GDPD1: variants seen among roughly 807,000 people sequenced by gnomAD.
The protein encoded by GDPD1 is glycerophosphodiester phosphodiesterase domain containing 1.
In GDPD1, 28 loss-of-function variants were observed where a neutral mutation model predicts 45.1. The ratio of observed to expected loss-of-function variants is 0.62; its 90% CI spans 0.46 to 0.85. The LOEUF (loss-of-function observed/expected upper bound fraction) is 0.85. GDPD1 is among the 40% of genes least tolerant of loss of function. The pLI, the probability that GDPD1 is intolerant of heterozygous loss-of-function variation, is 0.00. For synonymous variants in GDPD1, 139 were observed against 131.4 expected (o/e 1.06, Z -0.40); for missense variants, 256 against 364.8 (o/e 0.70, Z 2.43).
At chr17:59,227,836 T>A (rs1181664723) in intron 1 of GDPD1, among the ~76,000 whole-genome samples, 1 of 152,152 alleles carries the variant, frequency 6.6e-6, no homozygotes, top group African/African-American at 2.4e-5. Flanking sequence ...GTAAAATACA[T>A]CTTAACTTCA....
intron 8 of GDPD1, among the ~76,000 whole-genome samples, chr17:59,271,712 G>A (rs531523979): frequency 8.0e-5 from 12 of 150,100 alleles, no homozygotes; most frequent in Non-Finnish European, 1.5e-4. Context: ...GTGTGATCTC[G>A]GCTCACCGCT....
intron 6 of GDPD1, 74 bp from the exon 7 acceptor site, chr17:59,266,967 C>A: frequency 8.2e-7 from 1 of 1,213,464 alleles, no homozygotes; most frequent in Non-Finnish European, 1.2e-6. Flanking sequence ...TTGGGAAATA[C>A]TGAGAGTTGT....
At chr17:59,235,387 G>C (rs2047123817) in intron 2 of GDPD1, among the ~76,000 whole-genome samples, 1 of 152,006 alleles carries the variant, frequency 6.6e-6, no homozygotes, top group African/African-American at 2.4e-5. Context: ...ATTATTATTA[G>C]GTACAAAGCT....
Position 59,258,912 on chromosome 17 carries a change from A to G in GDPD1, c.576+1072A>G, listed in dbSNP as rs902247946. On this transcript the variant is annotated intron_variant, in intron 6 of 9. Coordinates refer to ENST00000284116, the MANE Select transcript of GDPD1 (RefSeq NM_182569.4). ...CAAAGTGGGAGGATTGCTTGAGCCC[A>G]GGTGTTTGAGACCAGCCTGGACAAC... 3.3e-5 allele frequency among the ~76,000 whole-genome samples: 5 copies of G among 151,832 alleles called. No homozygotes were observed. In the South Asian group the frequency reaches 1.0e-3, roughly 32 times the overall value.
intron 2 of GDPD1, among the ~76,000 whole-genome samples, chr17:59,244,018 G>A (rs551818642): frequency 1.4e-4 from 22 of 152,198 alleles, no homozygotes; most frequent in African/African-American, 5.1e-4. Context: ...TTGACCGAGG[G>A]CTTAAGGCAG....
intron 1 of GDPD1, among the ~76,000 whole-genome samples, chr17:59,221,243 C>G (rs2083776215): frequency 6.6e-6 from 1 of 151,954 alleles, no homozygotes; most frequent in Non-Finnish European, 1.5e-5. Context: ...GCTGTAACCC[C>G]TTGTCTGCGG....
intron 6 of GDPD1, among the ~76,000 whole-genome samples, chr17:59,262,731 G>A (rs918566748): frequency 6.6e-6 from 1 of 151,238 alleles, no homozygotes; most frequent in African/African-American, 2.4e-5. Flanking sequence ...GGGTTCAAGC[G>A]ATTTTCCCGC....
intron 3 of GDPD1, among the ~76,000 whole-genome samples, chr17:59,246,051 TG>T (rs1231518184): frequency 6.6e-6 from 1 of 150,932 alleles, no homozygotes; most frequent in Non-Finnish European, 1.5e-5. Flanking sequence ...ATCTGGGAGG[TG>T]GAGGTTGCAG....
intron 9 of GDPD1, 97 bp downstream of exon 9, chr17:59,272,933 T>C: frequency 1.2e-6 from 2 of 1,606,392 alleles, no homozygotes; most frequent in South Asian, 1.1e-5. Context: ...AGTTTGGCCC[T>C]TGACTCTGAT....
intron 1 of GDPD1, among the ~76,000 whole-genome samples, chr17:59,226,739 G>C (rs1303244195): frequency 2.6e-5 from 4 of 151,932 alleles, no homozygotes; most frequent in Non-Finnish European, 4.4e-5. Flanking sequence ...GCAGTGGCGC[G>C]ATCTCAGCTC....
At chr17:59,256,321 A>T (rs1388020952) in intron 4 of GDPD1, among the ~76,000 whole-genome samples, 1 of 152,138 alleles carries the variant, frequency 6.6e-6, no homozygotes, top group Non-Finnish European at 1.5e-5. Flanking sequence ...TGTCTCAAAC[A>T]AACAAACAAA....
intron 6 of GDPD1, among the ~76,000 whole-genome samples, chr17:59,259,260 T>C (rs1333912970): frequency 2.0e-5 from 3 of 151,256 alleles, no homozygotes; most frequent in Non-Finnish European, 4.4e-5. Context: ...CAAAACCCCA[T>C]CTCTATTAAA....
intron 1 of GDPD1, among the ~76,000 whole-genome samples, chr17:59,232,388 T>G (rs1241248326): frequency 1.3e-5 from 2 of 150,986 alleles, no homozygotes; most frequent in Non-Finnish European, 2.9e-5. Context: ...AGGCGGAGGT[T>G]ACGTTGAGCC....
chr17:59,227,301 C>T (rs1011190436), intron 1 of GDPD1, among the ~76,000 whole-genome samples: 1 of 151,878 alleles, frequency 6.6e-6, no homozygotes, highest in Admixed American at 6.6e-5. Context: ...TGCTTACAGT[C>T]CTAGCTACTC....
intron 3 of GDPD1, among the ~76,000 whole-genome samples, chr17:59,247,628 C>T (rs1244715762): frequency 6.6e-6 from 1 of 151,690 alleles, no homozygotes; most frequent in African/African-American, 2.4e-5. Flanking sequence ...GATAACACTG[C>T]ACTGAATTTT....
At chr17:59,256,142 C>T (rs1413848659) in intron 4 of GDPD1, among the ~76,000 whole-genome samples, 1 of 151,800 alleles carries the variant, frequency 6.6e-6, no homozygotes, top group Non-Finnish European at 1.5e-5. Flanking sequence ...AAATGCAAAA[C>T]CCCATCTCTA....
chr17:59,238,742 T>C (rs1184147500), intron 2 of GDPD1, among the ~76,000 whole-genome samples: 2 of 152,128 alleles, frequency 1.3e-5, no homozygotes, highest in African/African-American at 4.8e-5. Flanking sequence ...GCAGGAATCT[T>C]TTCTTACTGA....
intron 3 of GDPD1, among the ~76,000 whole-genome samples, chr17:59,247,822 G>T (rs942714030): frequency 1.3e-5 from 2 of 151,946 alleles, no homozygotes; most frequent in Non-Finnish European, 2.9e-5. Context: ...TAGAGACAGG[G>T]TTTCACCATG....
At chr17:59,265,092 T>C (rs1310747604) in intron 6 of GDPD1, among the ~76,000 whole-genome samples, 7 of 152,134 alleles carry the variant, frequency 4.6e-5, no homozygotes, top group Non-Finnish European at 1.0e-4. Context: ...CCACCCGCCT[T>C]GGCCTCCCAA....
Sources: gnomAD v4.1 joint callset for allele counts (sites outside exome capture counted in the v4.1 genomes callset) on GRCh38, gnomAD v4.1.1 for gene constraint, MANE v1.5 for transcripts, NCBI Gene and HGNC (gene_info 2026-07-23, HGNC 2026-07-21) for gene names.